The following LRRTM1 variants were observed in gnomAD, a reference collection of about 807,000 sequenced individuals.
LRRTM1 encodes the protein leucine-rich repeat transmembrane neuronal protein 1.
A neutral mutation model predicts 37.3 loss-of-function variants in LRRTM1; 8 were observed. The observed-to-expected ratio is 0.21, with a 90% CI of 0.13 to 0.39. The LOEUF (loss-of-function observed/expected upper bound fraction) is 0.39. Among genes scored for constraint, LRRTM1 ranks in the 10% least tolerant of loss-of-function variants. The pLI is 1.00. For missense variants in LRRTM1, 557 were observed against 691.0 expected, an observed-to-expected ratio of 0.81 and a Z score of 2.17; for synonymous variants, 326 against 316.8, an observed-to-expected ratio of 1.03 and a Z score of -0.31.
At chr2:80,301,751 A>G (rs1461434682), downstream of LRRTM1, 1 of 152,658 alleles carries the variant, frequency 6.6e-6, no homozygotes, top group Non-Finnish European at 1.5e-5. Flanking sequence ...ATTGAATCTG[A>G]CTACGTTGCT....
downstream of LRRTM1, chr2:80,298,596 A>G (rs1675968136): frequency 1.3e-5 from 2 of 152,220 alleles, no homozygotes; most frequent in African/African-American, 4.8e-5. Context: ...GGGAGGAATA[A>G]CAAGTGGCAT....
chr2:80,289,058 A>G (rs1216389160), exon 3 of LRRTM1: 2 of 152,150 alleles, frequency 1.3e-5, no homozygotes, highest in Non-Finnish European at 2.9e-5. Flanking sequence ...ATAAATGGTT[A>G]ATTAAGCCGA....
intron 2 of LRRTM1, among the ~76,000 whole-genome samples, chr2:80,293,270 C>G (rs1487355941): frequency 1.3e-5 from 2 of 152,182 alleles, no homozygotes; most frequent in Non-Finnish European, 2.9e-5. Flanking sequence ...GCAGACTAAT[C>G]CAGCTCTGTG....
chr2:80,300,201 G>A (rs1446177424), downstream of LRRTM1, among the ~76,000 whole-genome samples: 1 of 151,874 alleles, frequency 6.6e-6, no homozygotes, highest in African/African-American at 2.4e-5. Context: ...TGTGCATGAT[G>A]TGTGTCATAA....
At chr2:80,293,742 A>G (rs1675474494) in intron 2 of LRRTM1, among the ~76,000 whole-genome samples, 1 of 152,186 alleles carries the variant, frequency 6.6e-6, no homozygotes, top group Admixed American at 6.5e-5. Context: ...ATTTATGTTT[A>G]CATTCTTGGA....
chr2:80,294,438 ACCTGACCCCATGGAGC>A (rs142039073), intron 2 of LRRTM1, among the ~76,000 whole-genome samples: 45,840 of 150,286 alleles, frequency 0.31, 8,088 homozygotes, highest in Non-Finnish European at 0.39. Context: ...AGCCCACGTA[ACCTGACCCCATGGAGC>A]CCTGACCCCA....
intron 2 of LRRTM1, among the ~76,000 whole-genome samples, chr2:80,290,476 C>G (rs2149177626): frequency 6.6e-6 from 1 of 152,094 alleles, no homozygotes; most frequent in South Asian, 2.1e-4. Context: ...GTTGGTGAGG[C>G]TCCCGTGATG....
intron 2 of LRRTM1, among the ~76,000 whole-genome samples, chr2:80,291,936 C>T (rs928133931): frequency 6.6e-6 from 1 of 152,190 alleles, no homozygotes; most frequent in African/African-American, 2.4e-5. Context: ...TGGGCTAAGG[C>T]CTGGCCAGTT....
intron 2 of LRRTM1, among the ~76,000 whole-genome samples, chr2:80,294,310 A>G (rs1470376416): frequency 6.6e-6 from 1 of 152,210 alleles, no homozygotes; most frequent in Non-Finnish European, 1.5e-5. Context: ...TTTGTAAACT[A>G]GAGTGCTCAG....
chr2:80,294,599 C>T (rs956633006), intron 2 of LRRTM1, among the ~76,000 whole-genome samples: 4 of 152,038 alleles, frequency 2.6e-5, no homozygotes, highest in Non-Finnish European at 5.9e-5. Flanking sequence ...CAGTGCTTCT[C>T]AGCCTTAGCT....
chr2:80,297,420 T>C (rs1347151306), downstream of LRRTM1, among the ~76,000 whole-genome samples: 3 of 152,196 alleles, frequency 2.0e-5, no homozygotes, highest in East Asian at 1.9e-4. Flanking sequence ...CCCTCACTTA[T>C]TGTGATCTAG....
chr2:80,293,637 T>C (rs912969017), intron 2 of LRRTM1, among the ~76,000 whole-genome samples: 1 of 152,156 alleles, frequency 6.6e-6, no homozygotes, highest in Admixed American at 6.5e-5. Flanking sequence ...ATTAGAGTGA[T>C]TTCCTTTGGT....
intron 2 of LRRTM1, among the ~76,000 whole-genome samples, chr2:80,294,275 A>G (rs1267502944): frequency 2.0e-5 from 3 of 152,214 alleles, no homozygotes; most frequent in African/African-American, 7.2e-5. Context: ...GTAAAAACAA[A>G]TATAAGAATA....
At chr2:80,299,326 G>A (rs1676036932), downstream of LRRTM1, 1 of 152,112 alleles carries the variant, frequency 6.6e-6, no homozygotes, top group Non-Finnish European at 1.5e-5. Flanking sequence ...CAAAACCTTA[G>A]TTAAAACTAC....
At chr2:80,290,679 A>C (rs574541666) in intron 2 of LRRTM1, among the ~76,000 whole-genome samples, 1 of 152,094 alleles carries the variant, frequency 6.6e-6, no homozygotes, top group Non-Finnish European at 1.5e-5. Flanking sequence ...CTATATGTAT[A>C]TCTGTGGTTT....
At chr2:80,295,322 C>T (rs1468316279) in intron 2 of LRRTM1, among the ~76,000 whole-genome samples, 1 of 151,850 alleles carries the variant, frequency 6.6e-6, no homozygotes, top group Non-Finnish European at 1.5e-5. Flanking sequence ...TCTAGGATTC[C>T]CTTTCATCTC....
downstream of LRRTM1, among the ~76,000 whole-genome samples, chr2:80,297,738 A>G (rs1281518470): frequency 1.3e-5 from 2 of 152,158 alleles, no homozygotes; most frequent in African/African-American, 2.4e-5. Context: ...ACTAGACAGC[A>G]GGTTACACTC....
chr2:80,303,591 G>A lies in LRRTM1; in HGVS notation c.229C>T (p.Leu77Phe), dbSNP rs755635665. Residue 77 changes from leucine (L) to phenylalanine (F), a missense_variant, in exon 2 of 2, where the codon CTC (leucine) becomes TTC (phenylalanine). By Grantham distance (22) the Leu-to-Phe change is conservative. This residue lies in a region of LRRTM1 where 140 missense variants were observed against 138.1 expected (regional missense o/e 1.01). Transcript: ENST00000295057. The surrounding 1 kb of genome is among the most constrained non-coding windows in gnomAD (Gnocchi z 7.7). The stretch of plus-strand genomic sequence containing the variant: ...AACTGGCCGGCGCGCAGCTCCGAGA[G>A]GCTGTTGTAGCGCAGGGACAAGCCC... ...LLGLSLRYNSLSELRAGQFTG... is the reference protein window; with the variant it reads ...LLGLSLRYNSFSELRAGQFTG... 1 of 1,614,200 alleles carries A rather than the reference G, an allele frequency of 6.2e-7. No homozygotes were observed. Among genetic ancestry groups the A allele is most frequent in the South Asian group, 1.1e-5 (1 of 91,090 alleles).
rs539214656 is a variant in LRRTM1, at chr2:80,296,781, A to C, written c.*306+5164T>G. Among the ~76,000 whole-genome samples, 7 of 152,256 alleles carry C rather than the reference A, an allele frequency of 4.6e-5. No homozygotes were observed. In the South Asian group the frequency reaches 1.5e-3, roughly 32 times the overall value. ...GTCCTTTGCTTGTAGGATGTTTCAC[A>C]GTATCCAGACATCTACCTACTGGAT... On this transcript the variant is annotated intron_variant and NMD_transcript_variant, in intron 2 of 2. Coordinates refer to the LRRTM1 transcript ENST00000417012.
Sources: gnomAD v4.1 joint callset for allele counts (sites outside exome capture counted in the v4.1 genomes callset) on GRCh38, gnomAD v4.1.1 for gene constraint, gnomAD v4.1.1 regional missense constraint, Gnocchi (gnomAD v3.1) non-coding constraint, MANE v1.5 for transcripts, NCBI Gene and HGNC (gene_info 2026-07-23, HGNC 2026-07-21) for gene names.